The following CA2 variants were observed in gnomAD, a reference collection of about 807,000 sequenced individuals.
CA2 encodes carbonic anhydrase 2, also known as carbonate dehydratase II.
CA2 carries 23 observed loss-of-function variants against 27.8 expected under a neutral mutation model. The observed-to-expected ratio is 0.83, with a 90% CI of 0.59 to 1.17. CA2 has a LOEUF of 1.17. Ranked by LOEUF, CA2 falls within the 50% of genes most tolerant of loss-of-function variation. The probability of loss-of-function intolerance (pLI) is 0.00; values close to 1 mark genes in which losing one functional copy is unlikely to be tolerated. For synonymous variants in CA2, 99 were observed against 114.9 expected, an observed-to-expected ratio of 0.86 and a Z score of 0.88; for missense variants, 300 against 314.7, an observed-to-expected ratio of 0.95 and a Z score of 0.35.
At chr8:85,480,416 C>T (rs995899782) in intron 6 of CA2, among the ~76,000 whole-genome samples, 1 of 148,830 alleles carries the variant, frequency 6.7e-6, no homozygotes, top group Non-Finnish European at 1.5e-5. Context: ...TCTACCACGC[C>T]TGTTTAATTT....
chr8:85,480,740 G>T lies in CA2; in HGVS notation c.734G>T (p.Arg245Leu). The T allele has an allele frequency of 6.2e-7, 1 of 1,613,850 alleles. No individual in the cohort carries two copies. The highest frequency in any genetic ancestry group is 1.3e-5 in the African/African-American group (1 of 75,012). ...EPEELMVDNW[R>L]PAQPLKNRQI... ...GAAGAACTGATGGTGGACAACTGGC[G>T]CCCAGCTCAGCCACTGAAGAACAGG... is the stretch of plus-strand genomic sequence containing the variant. The change falls in exon 7 of 7, where the codon CGC becomes CTC. Residue 245 changes from arginine to leucine, a missense_variant. By Grantham distance (102) the Arg-to-Leu change is moderately radical. Coordinates refer to ENST00000285379, the MANE Select transcript of CA2 (RefSeq NM_000067.3).
chr8:85,480,875 C>A lies in CA2; in HGVS notation c.*86C>A. ...CAGATCTACCTTGGTGATTTGGACC[C>A]TGGTTGCTTTGTGTCTAGTTTTCTA... is the stretch of plus-strand genomic sequence containing the variant. On this transcript the variant is annotated 3_prime_UTR_variant, in exon 7 of 7. Coordinates refer to ENST00000285379, the MANE Select transcript of CA2 (RefSeq NM_000067.3). 8.8e-6 allele frequency: 13 copies of A among 1,469,484 alleles called. No homozygotes were observed. The South Asian group carries it at 1.4e-4, about 16-fold the overall frequency. 91.0% of individuals were successfully genotyped at this position (1,469,484 alleles called of 1,614,324 possible).
chr8:85,473,581 A>G (rs1811740296), intron 2 of CA2, 112 bp from the exon 3 acceptor site: 6 of 706,134 alleles, frequency 8.5e-6, no homozygotes, highest in African/African-American at 1.8e-5. Context: ...TTAAGATTGT[A>G]ATATTTAGGC....
intron 4 of CA2, among the ~76,000 whole-genome samples, chr8:85,475,592 G>T (rs1251848556): frequency 6.6e-6 from 1 of 152,098 alleles, no homozygotes; most frequent in Non-Finnish European, 1.5e-5. Context: ...TCTCTGAGTG[G>T]AATTAGAGGC....
chr8:85,471,388 T>C (rs1472824562), intron 2 of CA2, among the ~76,000 whole-genome samples: 1 of 21,856 alleles, frequency 4.6e-5, no homozygotes, highest in Non-Finnish European at 9.7e-5. Context: ...ACTTTATCTT[T>C]TTTTTTTTTT....
At chr8:85,474,883 G>A (rs910405201) in intron 4 of CA2, among the ~76,000 whole-genome samples, 2 of 152,180 alleles carry the variant, frequency 1.3e-5, no homozygotes, top group African/African-American at 4.8e-5. Context: ...CATATGTTGA[G>A]GTGGAAGCTA....
intron 2 of CA2, among the ~76,000 whole-genome samples, chr8:85,469,043 G>C (rs947926423): frequency 3.3e-5 from 5 of 151,954 alleles, no homozygotes; most frequent in Non-Finnish European, 7.4e-5. Context: ...ATATTTGAAG[G>C]ATAACCTTAT....
chr8:85,465,449 A>T lies in CA2; in HGVS notation c.212A>T (p.Asp71Val). The stretch of plus-strand genomic sequence containing the variant: ...GGTCATGCTTTCAACGTGGAGTTTG[A>T]TGACTCTCAGGACAAAGCAGGTCAG... ...NNGHAFNVEFDDSQDKAVLKG... is the reference protein window; with the variant it reads ...NNGHAFNVEFVDSQDKAVLKG... The change falls in exon 2 of 7, where the codon GAT becomes GTT. Residue 71 changes from aspartate to valine, a missense_variant. Around this residue, in one of 3 missense-constraint regions of CA2, gnomAD observed 122 missense variants for 133.2 expected, o/e 0.92. Transcript: ENST00000285379. 6.2e-7 allele frequency: 1 copy of T among 1,614,096 alleles called. No individual in the cohort carries two copies.
intron 2 of CA2, among the ~76,000 whole-genome samples, chr8:85,468,244 C>G (rs1811658767): frequency 6.6e-6 from 1 of 152,124 alleles, no homozygotes; most frequent in African/African-American, 2.4e-5. Context: ...TAGGAAATAC[C>G]AGGAGACTTA....
Position 85,474,698 on chromosome 8 carries a change from T to C in CA2, c.444+282T>C, listed in dbSNP as rs925271457. The C allele has an allele frequency of 1.6e-5, 7 of 432,186 alleles. No homozygotes were observed. The East Asian group carries it at 3.0e-4, about 19-fold the overall frequency. The allele number at this position is 432,186 out of a possible 1,614,324, so 26.8% of individuals were successfully genotyped here. A position where few individuals can be genotyped will look rare whatever the true frequency, so the allele number is the denominator to read the frequency against. ...TGCTAGGTGTTTGTTTGTTTTCTTT[T>C]CATTTAACCTGAGGCTAGACAGTAC... On this transcript the variant is annotated intron_variant, in intron 4 of 6. Coordinates refer to ENST00000285379, the MANE Select transcript of CA2 (RefSeq NM_000067.3).
chr8:85,481,092 C>T lies in CA2; in HGVS notation c.*303C>T, dbSNP rs150089617. 4.3e-3 allele frequency: 1,457 copies of T among 340,292 alleles called. 20 individuals are homozygous for T. The highest frequency in any genetic ancestry group is 0.028 in the African/African-American group (1,322 of 47,630). The allele number at this position is 340,292 out of a possible 1,614,324, so 21.1% of individuals were successfully genotyped here. On this transcript the variant is annotated 3_prime_UTR_variant, in exon 7 of 7. Coordinates refer to ENST00000285379, the MANE Select transcript of CA2 (RefSeq NM_000067.3). ...TTCACAGCATGTAGGGTGATGAGCA[C>T]TCACAATTGTTGACTAAAATGCTGC...
chr8:85,473,622 T>A, intron 2 of CA2, 71 bp from the exon 3 acceptor site: 1 of 756,750 alleles, frequency 1.3e-6, no homozygotes, highest in South Asian at 1.4e-5. Flanking sequence ...TGTATGTGTG[T>A]ATACCTATGT....
intron 2 of CA2, among the ~76,000 whole-genome samples, chr8:85,468,827 ACTTT>A (rs899346736): frequency 3.9e-5 from 5 of 128,788 alleles, no homozygotes; most frequent in African/African-American, 1.5e-4. Context: ...CTCCCTTTAG[ACTTT>A]CTTTCTTTTT....
intron 6 of CA2, among the ~76,000 whole-genome samples, chr8:85,477,748 C>T (rs1811826573): frequency 6.6e-6 from 1 of 152,184 alleles, no homozygotes; most frequent in Non-Finnish European, 1.5e-5. Context: ...TTAAAACTCA[C>T]TCCAGGTTGC....
At chr8:85,474,010 A>C in intron 3 of CA2, 199 bp downstream of exon 3, 2 of 612,284 alleles carry the variant, frequency 3.3e-6, no homozygotes, top group Non-Finnish European at 5.8e-6. Context: ...TACTGTCTCC[A>C]ACTCCACCAT....
In CA2 at chr8:85,480,905, C is replaced by T; in HGVS notation, c.*116C>T. 9.8e-7 allele frequency: 1 copy of T among 1,017,716 alleles called. No homozygotes were observed. The highest frequency in any genetic ancestry group is 1.5e-6 in the Non-Finnish European group (1 of 660,694). 63.0% of individuals were successfully genotyped at this position (1,017,716 alleles called of 1,614,324 possible). A position where few individuals can be genotyped will look rare whatever the true frequency, so the allele number is the denominator to read the frequency against. ...TGCTTTGTGTCTAGTTTTCTAGACC[C>T]TTCATCTCTTACTTGATAGACTTAC... is the stretch of plus-strand genomic sequence containing the variant. On this transcript the variant is annotated 3_prime_UTR_variant, in exon 7 of 7. Coordinates refer to ENST00000285379, the MANE Select transcript of CA2 (RefSeq NM_000067.3).
intron 2 of CA2, among the ~76,000 whole-genome samples, chr8:85,467,771 T>A (rs10106305): frequency 6.6e-6 from 1 of 152,226 alleles, no homozygotes; most frequent in East Asian, 1.9e-4. Context: ...TCTAGCTACA[T>A]TTTTCACAGC....
chr8:85,468,680 A>G (rs1443000497), intron 2 of CA2, among the ~76,000 whole-genome samples: 1 of 152,128 alleles, frequency 6.6e-6, no homozygotes, highest in Admixed American at 6.5e-5. Context: ...GAATCGCTGG[A>G]TCCCGGGAGG....
intron 5 of CA2, 88 bp downstream of exon 5, chr8:85,475,948 G>C: frequency 2.0e-6 from 2 of 989,190 alleles, no homozygotes; most frequent in Admixed American, 1.9e-5. Flanking sequence ...AAATTGCACA[G>C]TCTCAATGAC....
Sources: gnomAD v4.1 joint callset for allele counts (sites outside exome capture counted in the v4.1 genomes callset) on GRCh38, gnomAD v4.1.1 for gene constraint, gnomAD v4.1.1 regional missense constraint, MANE v1.5 for transcripts, NCBI Gene and HGNC (gene_info 2026-07-23, HGNC 2026-07-21) for gene names.